Variants in MACROD2 observed in about 807,000 individuals in gnomAD.
MACROD2 encodes mono-ADP ribosylhydrolase 2.
Under a neutral mutation model 70.4 loss-of-function variants are expected in MACROD2, and 36 were observed. That is an observed-to-expected ratio of 0.51 (90% CI 0.39 to 0.68). The LOEUF is 0.68. Among genes scored for constraint, MACROD2 ranks in the 30% least tolerant of loss-of-function variants. The pLI, the probability that MACROD2 is intolerant of heterozygous loss-of-function variation, is 0.00. For synonymous variants in MACROD2, 172 were observed against 178.8 expected, an observed-to-expected ratio of 0.96 and a Z score of 0.30; for missense variants, 496 against 538.4, an observed-to-expected ratio of 0.92 and a Z score of 0.78.
At chr20:14,506,814 G>A (rs2084974090) in intron 4 of MACROD2, among the ~76,000 whole-genome samples, 1 of 152,090 alleles carries the variant, frequency 6.6e-6, no homozygotes. Context: ...AGCCGGACGT[G>A]GTGGCACGTG....
chr20:15,349,927 A>G (rs1259963914), intron 6 of MACROD2, among the ~76,000 whole-genome samples: 1 of 152,098 alleles, frequency 6.6e-6, no homozygotes, highest in Non-Finnish European at 1.5e-5. Context: ...GGCAGTGTCC[A>G]TTCCCCTGCA....
intron 5 of MACROD2, among the ~76,000 whole-genome samples, chr20:15,202,409 C>A (rs1003572124): frequency 1.3e-5 from 2 of 152,172 alleles, no homozygotes; most frequent in Non-Finnish European, 2.9e-5. Flanking sequence ...TCTCTTTGGA[C>A]AACTTCGTGT....
intron 3 of MACROD2, chr20:14,327,621 T>C: frequency 1.7e-6 from 2 of 1,179,680 alleles, no homozygotes; most frequent in South Asian, 3.5e-5. Flanking sequence ...ATATAATGTT[T>C]AAAAACAAAT....
At chr20:14,795,987 A>T (rs545174975) in intron 5 of MACROD2, among the ~76,000 whole-genome samples, 1 of 152,234 alleles carries the variant, frequency 6.6e-6, no homozygotes, top group Admixed American at 6.5e-5. Flanking sequence ...AGATTTGGCC[A>T]CATGGAGATT....
At chr20:14,067,305 G>T (rs1473204497) in intron 2 of MACROD2, among the ~76,000 whole-genome samples, 1 of 151,330 alleles carries the variant, frequency 6.6e-6, no homozygotes, top group Non-Finnish European at 1.5e-5. Flanking sequence ...TGTATTTTTA[G>T]TAGAGATGGG....
intron 4 of MACROD2, among the ~76,000 whole-genome samples, chr20:14,605,005 A>G (rs1452418587): frequency 6.6e-6 from 1 of 152,196 alleles, no homozygotes; most frequent in Non-Finnish European, 1.5e-5. Flanking sequence ...ATAATGCTCT[A>G]TACAGTTTGC....
intron 8 of MACROD2, among the ~76,000 whole-genome samples, chr20:15,822,135 G>C (rs757721668): frequency 2.6e-4 from 39 of 152,166 alleles, no homozygotes; most frequent in African/African-American, 4.6e-4. Flanking sequence ...TTGAGGATCA[G>C]GAATTTAGGG....
chr20:14,938,738 G>A lies in MACROD2; in HGVS notation c.418+253779G>A, dbSNP rs548817299. On this transcript the variant is annotated intron_variant, in intron 5 of 17. Transcript: ENST00000684519. ...GGAGTTTGCAGTGAGCCAAGATCAT[G>A]CCACTGCACTCCAGCGTGGGTGACT... 1.5e-4 allele frequency among the ~76,000 whole-genome samples: 23 copies of A among 152,152 alleles called. 3 individuals are homozygous for A. In the South Asian group the frequency reaches 4.4e-3, roughly 29 times the overall value.
intron 5 of MACROD2, among the ~76,000 whole-genome samples, chr20:14,914,876 G>A (rs2074071983): frequency 6.6e-6 from 1 of 152,082 alleles, no homozygotes; most frequent in African/African-American, 2.4e-5. Context: ...AAGAAAACAG[G>A]GAAGATAATG....
At position 14,326,389 on chromosome 20, in the gene MACROD2, G is replaced by A. The variant is rs1343984896; in HGVS notation, c.272-167090G>A. ...CCACTGTCCTTGGGCAGGATACACT[G>A]TGTTGGGTATTGCAGTGGTTATCTG... On this transcript the variant is annotated intron_variant, in intron 3 of 17. Coordinates refer to ENST00000684519, the MANE Select transcript of MACROD2 (RefSeq NM_001351661.2). The surrounding 1 kb of genome is among the most constrained non-coding windows in gnomAD (Gnocchi z 5.5). The A allele has an allele frequency of 6.2e-7, 1 of 1,613,748 alleles. No individual in the cohort carries two copies. Among genetic ancestry groups the A allele is most frequent in the African/African-American group, 1.3e-5 (1 of 74,882 alleles).
At chr20:15,351,636 G>A (rs562612621) in intron 6 of MACROD2, among the ~76,000 whole-genome samples, 182 of 152,260 alleles carry the variant, frequency 1.2e-3, no homozygotes, top group African/African-American at 4.3e-3. Flanking sequence ...CTTTCAGTGA[G>A]CTCCGTGAGT....
intron 5 of MACROD2, chr20:14,904,848 T>G (rs1284881370): frequency 6.6e-6 from 1 of 152,190 alleles, no homozygotes; most frequent in African/African-American, 2.4e-5. Context: ...ATTATATGTA[T>G]AGTAGGAAGC....
intron 8 of MACROD2, among the ~76,000 whole-genome samples, chr20:15,849,011 T>C (rs1246223696): frequency 6.6e-6 from 1 of 152,208 alleles, no homozygotes; most frequent in Non-Finnish European, 1.5e-5. Context: ...TTCATAAAGA[T>C]ATAAAGCGAC....
At chr20:15,346,328 A>G (rs1384972412) in intron 6 of MACROD2, among the ~76,000 whole-genome samples, 1 of 152,306 alleles carries the variant, frequency 6.6e-6, no homozygotes, top group African/African-American at 2.4e-5. Context: ...CAAGACCCTC[A>G]TCTTTGAGAA....
chr20:15,036,384 T>C (rs752917133), intron 5 of MACROD2, among the ~76,000 whole-genome samples: 2 of 152,144 alleles, frequency 1.3e-5, no homozygotes, highest in Non-Finnish European at 2.9e-5. Context: ...CCCAGATCAG[T>C]ATAATCAGCA....
At chr20:14,892,090 C>T (rs926610123) in intron 5 of MACROD2, among the ~76,000 whole-genome samples, 5 of 152,068 alleles carry the variant, frequency 3.3e-5, no homozygotes, top group Non-Finnish European at 5.9e-5. Flanking sequence ...GATAGTTGTC[C>T]TTTCTTTTTC....
chr20:16,027,269 C>A lies in MACROD2; in HGVS notation c.1154-13932C>A, dbSNP rs536804895. 1.2e-3 allele frequency among the ~76,000 whole-genome samples: 8 copies of A among 6,536 alleles called. No homozygotes were observed. In the South Asian group the frequency reaches 0.31, roughly 251 times the overall value. The allele number at this position is 6,536 out of a possible 152,430, so 4.3% of individuals were successfully genotyped here. On this transcript the variant is annotated intron_variant, in intron 15 of 17. Coordinates refer to ENST00000684519, the MANE Select transcript of MACROD2 (RefSeq NM_001351661.2). ...AGCCTTCCTCTAATGCTTCTGTAAA[C>A]CAGCAAGATTATTTCTTGGATGCAG...
chr20:15,368,139 A>G (rs2045438654), intron 6 of MACROD2, among the ~76,000 whole-genome samples: 1 of 152,164 alleles, frequency 6.6e-6, no homozygotes, highest in Admixed American at 6.5e-5. Context: ...TGCATTCATA[A>G]ACTCATTGGT....
chr20:14,176,053 C>T (rs1194898338), intron 3 of MACROD2, among the ~76,000 whole-genome samples: 1 of 152,190 alleles, frequency 6.6e-6, no homozygotes, highest in East Asian at 1.9e-4. Context: ...GTAAATGTTA[C>T]TAACGGTTGT....
Sources: gnomAD v4.1 joint callset for allele counts (sites outside exome capture counted in the v4.1 genomes callset) on GRCh38, gnomAD v4.1.1 for gene constraint, Gnocchi (gnomAD v3.1) non-coding constraint, MANE v1.5 for transcripts, NCBI Gene and HGNC (gene_info 2026-07-23, HGNC 2026-07-21) for gene names.